GPA33: variants seen among roughly 807,000 people sequenced by gnomAD.
GPA33 encodes cell surface A33 antigen.
A neutral mutation model predicts 35.6 loss-of-function variants in GPA33; 27 were observed. The observed-to-expected ratio is 0.76, with a 90% CI of 0.56 to 1.04. The LOEUF is 1.04. Among genes scored for constraint, GPA33 ranks in the 50% least tolerant of loss-of-function variants. GPA33 has a pLI of 0.00. For synonymous variants in GPA33, 176 were observed against 164.0 expected, an observed-to-expected ratio of 1.07 and a Z score of -0.56; for missense variants, 428 against 411.9, an observed-to-expected ratio of 1.04 and a Z score of -0.34.
intron 4 of GPA33, among the ~76,000 whole-genome samples, 162 bp downstream of exon 4, chr1:167,063,420 A>G (rs1362018318): frequency 2.6e-5 from 4 of 152,186 alleles, no homozygotes; most frequent in African/African-American, 9.7e-5. Flanking sequence ...AAAACAAGAA[A>G]CCAGTGCTTA....
intron 3 of GPA33, among the ~76,000 whole-genome samples, chr1:167,067,122 TC>T (rs1666613067): frequency 6.6e-6 from 1 of 152,132 alleles, no homozygotes; most frequent in Non-Finnish European, 1.5e-5. Context: ...ATGGGCTCTT[TC>T]TTTTCTCTGT....
chr1:167,079,626 T>G (rs1288501076), intron 1 of GPA33, among the ~76,000 whole-genome samples: 1 of 152,250 alleles, frequency 6.6e-6, no homozygotes, highest in African/African-American at 2.4e-5. Flanking sequence ...TTTTCCATAA[T>G]TTGAGACGAG....
Position 167,055,764 on chromosome 1 carries a change from C to T in GPA33, c.657G>A (p.Thr219=), listed in dbSNP as rs1402571580. The T allele has an allele frequency of 5.0e-6, 8 of 1,613,968 alleles. No homozygotes were observed. The highest frequency in any genetic ancestry group is 1.1e-5 in the South Asian group (1 of 91,062). ...CGGCCACCGTGATGTTGCAGAACTG[C>T]GTCCCCTCCTCATTGCTGGAGGTAC... ...YICTSSNEEG[T]QFCNITVAVR... is the part of the protein sequence containing the mutation. Residue 219 remains threonine (T), a synonymous_variant, in exon 5 of 7, where the codon ACG becomes ACA. Transcript: ENST00000367868.
chr1:167,073,344 T>C (rs1666757588), intron 2 of GPA33, 41 bp downstream of exon 2: 2 of 1,566,492 alleles, frequency 1.3e-6, no homozygotes, highest in Non-Finnish European at 1.8e-6. Flanking sequence ...GGTCAGGTGA[T>C]AATCATTCCC....
intron 5 of GPA33, 133 bp downstream of exon 5, chr1:167,055,597 A>C: frequency 1.0e-6 from 1 of 954,572 alleles, no homozygotes. Context: ...CTAGGTCACC[A>C]CAGCTAACCT....
intron 1 of GPA33, among the ~76,000 whole-genome samples, chr1:167,083,769 G>A (rs192460109): frequency 5.3e-5 from 8 of 152,212 alleles, no homozygotes; most frequent in African/African-American, 1.9e-4. Flanking sequence ...TCATGCAGAG[G>A]TCAGGGGGTG....
At chr1:167,064,631 G>A (rs1191541111) in intron 3 of GPA33, among the ~76,000 whole-genome samples, 1 of 152,168 alleles carries the variant, frequency 6.6e-6, no homozygotes, top group Non-Finnish European at 1.5e-5. Context: ...TCTTTAAATA[G>A]TATGTTAGAA....
chr1:167,055,175 C>G (rs987236332), intron 5 of GPA33, 64 bp from the exon 6 acceptor site: 18 of 1,557,638 alleles, frequency 1.2e-5, no homozygotes, highest in Non-Finnish European at 1.6e-5. Flanking sequence ...CTCCTCCCAG[C>G]CAGGGGAGCA....
intron 1 of GPA33, among the ~76,000 whole-genome samples, chr1:167,086,356 T>C (rs1314932869): frequency 6.6e-6 from 1 of 152,248 alleles, no homozygotes; most frequent in Non-Finnish European, 1.5e-5. Context: ...CCACCCCGGC[T>C]CTGGCCCAAA....
chr1:167,080,449 C>CTACT (rs1666902410), intron 1 of GPA33, among the ~76,000 whole-genome samples: 1 of 152,186 alleles, frequency 6.6e-6, no homozygotes, highest in African/African-American at 2.4e-5. Flanking sequence ...TTTGTGTCAC[C>CTACT]TACTACCCAT....
intron 1 of GPA33, 30 bp from the exon 2 acceptor site, chr1:167,073,569 A>T (rs1327731821): frequency 1.9e-6 from 3 of 1,602,986 alleles, no homozygotes. Flanking sequence ...TGGAAGGGAA[A>T]AGTAAGCGAC....
At chr1:167,063,557 C>A (rs772729172) in intron 4 of GPA33, 25 bp downstream of exon 4, 10 of 1,579,966 alleles carry the variant, frequency 6.3e-6, no homozygotes, top group Middle Eastern at 2.2e-4. Flanking sequence ...ACGTGGGGAG[C>A]CCGCCTTCCC....
intron 1 of GPA33, among the ~76,000 whole-genome samples, chr1:167,081,862 C>G (rs1183610700): frequency 6.6e-6 from 1 of 152,204 alleles, no homozygotes; most frequent in African/African-American, 2.4e-5. Context: ...TGCCAGGTGT[C>G]TACACTGAGC....
chr1:167,068,913 G>A lies in GPA33; in HGVS notation c.415+9C>T, dbSNP rs1666654766. ...TCCTACAACTCCTGAAAGACATGAA[G>A]ACACTCACCGAGGACCAACAGGCGG... On this transcript the variant is annotated intron_variant, in intron 3 of 6. Transcript: ENST00000367868. 1 of 1,605,528 alleles carries A rather than the reference G, an allele frequency of 6.2e-7. No homozygotes were observed. The highest frequency in any genetic ancestry group is 1.7e-5 in the Admixed American group (1 of 59,960).
chr1:167,053,683 C>G lies in GPA33; in HGVS notation c.*651G>C, dbSNP rs12076250. On this transcript the variant is annotated 3_prime_UTR_variant, in exon 7 of 7. Transcript: ENST00000367868. ...TGAGATGGGCCTGGAGGGACAGGTA[C>G]GATATTGACAGGCAGAGATGGAAAG... 64,133 of 152,542 alleles carry G rather than the reference C, an allele frequency of 0.42. 13,857 individuals carry two copies. Among genetic ancestry groups the G allele is most frequent in the South Asian group, 0.58 (2,796 of 4,834 alleles). The allele number at this position is 152,542 out of a possible 1,614,324, so 9.4% of individuals were successfully genotyped here. A position where few individuals can be genotyped will look rare whatever the true frequency, so the allele number is the denominator to read the frequency against.
chr1:167,082,293 C>G, intron 1 of GPA33: 1 of 456,194 alleles, frequency 2.2e-6, no homozygotes, highest in Non-Finnish European at 4.4e-6. Flanking sequence ...TCTATGTGTA[C>G]TTTTATTTCC....
At chr1:167,075,527 G>A (rs1412615707) in intron 1 of GPA33, among the ~76,000 whole-genome samples, 1 of 152,216 alleles carries the variant, frequency 6.6e-6, no homozygotes, top group Non-Finnish European at 1.5e-5. Context: ...AACAGTTAAG[G>A]AAGGAGGAAG....
chr1:167,062,108 C>A (rs904878257), intron 4 of GPA33, among the ~76,000 whole-genome samples: 4 of 152,130 alleles, frequency 2.6e-5, no homozygotes, highest in Admixed American at 6.5e-5. Context: ...ACTGAAAGAC[C>A]TCCCAGAAGC....
At chr1:167,061,600 T>G (rs923490143) in intron 4 of GPA33, among the ~76,000 whole-genome samples, 1 of 140,742 alleles carries the variant, frequency 7.1e-6, no homozygotes, top group East Asian at 2.0e-4. Flanking sequence ...TTTTTTTTTT[T>G]TTTTTTTTTT....
Sources: allele counts gnomAD v4.1 joint callset (sites outside exome capture counted in the v4.1 genomes callset), GRCh38; gene constraint gnomAD v4.1.1; transcripts MANE v1.5; gene names NCBI Gene and HGNC (gene_info 2026-07-23, HGNC 2026-07-21).